PTPRD: variants seen among roughly 807,000 people sequenced by gnomAD.
PTPRD encodes receptor-type tyrosine-protein phosphatase delta.
Under a neutral mutation model 214.5 loss-of-function variants are expected in PTPRD, and 34 were observed. The observed-to-expected ratio is 0.16, with a 90% CI of 0.12 to 0.21. The LOEUF is 0.21. Among genes scored for constraint, PTPRD ranks in the 10% least tolerant of loss-of-function variants. The probability of loss-of-function intolerance (pLI) is 1.00; values close to 1 mark genes in which losing one functional copy is unlikely to be tolerated. For missense variants in PTPRD, 2,545 were observed against 2,398.7 expected (o/e 1.06, Z -1.27); for synonymous variants, 1,128 against 845.7 (o/e 1.33, Z -5.79).
intron 12 of PTPRD, among the ~76,000 whole-genome samples, chr9:8,686,205 C>T (rs751908362): frequency 6.6e-6 from 1 of 152,174 alleles, no homozygotes; most frequent in South Asian, 2.1e-4. Flanking sequence ...ACCTTTAAGA[C>T]ATCATGTTGT....
intron 5 of PTPRD, among the ~76,000 whole-genome samples, chr9:9,872,365 C>A (rs1039759305): frequency 7.9e-5 from 12 of 151,912 alleles, no homozygotes; most frequent in Non-Finnish European, 1.5e-4. Flanking sequence ...TTTGGGAGGC[C>A]GAGGCAGGAG....
At chr9:9,968,418 C>A (rs893906548) in intron 4 of PTPRD, among the ~76,000 whole-genome samples, 2 of 152,080 alleles carry the variant, frequency 1.3e-5, no homozygotes, top group Non-Finnish European at 2.9e-5. Context: ...AAAACATACA[C>A]CTGTAAAATA....
chr9:9,116,441 T>C (rs1182733983), intron 10 of PTPRD, among the ~76,000 whole-genome samples: 2 of 151,750 alleles, frequency 1.3e-5, no homozygotes, highest in Non-Finnish European at 2.9e-5. Flanking sequence ...TACAGGGTGG[T>C]ATAATGGACA....
In PTPRD at chr9:10,094,871, G is replaced by A. The variant is rs184365410; in HGVS notation, c.-544-61081C>T. On this transcript the variant is annotated intron_variant, in intron 3 of 45. Transcript: ENST00000381196. The stretch of plus-strand genomic sequence containing the variant: ...CTTACACTAAGTGCCAGGTTTTTAT[G>A]CATTAGTAATCGTGGACTACTTCAA... Among the ~76,000 whole-genome samples the A allele has an allele frequency of 3.3e-5, 5 of 151,466 alleles. No individual in the cohort carries two copies. In the East Asian group the frequency reaches 9.8e-4, roughly 30 times the overall value.
At position 10,208,124 on chromosome 9, in the gene PTPRD, G is replaced by T. The variant is rs150113486; in HGVS notation, c.-545+132839C>A. On this transcript the variant is annotated intron_variant, in intron 3 of 45. Transcript: ENST00000381196. ...ACAACAACAAAACCTATGTAATGAG[G>T]ACTTTGCTGTTAAAGTCTTCTCTGG... 2.4e-3 allele frequency among the ~76,000 whole-genome samples: 370 copies of T among 152,298 alleles called. 5 individuals carry two copies. Among genetic ancestry groups the T allele is most frequent in the East Asian group, 0.017 (88 of 5,170 alleles).
chr9:10,316,136 T>TATAG (rs2096416727), intron 3 of PTPRD, among the ~76,000 whole-genome samples: 1 of 147,306 alleles, frequency 6.8e-6, no homozygotes, highest in South Asian at 2.1e-4. Flanking sequence ...TATACATATA[T>TATAG]ACACATACAT....
intron 5 of PTPRD, among the ~76,000 whole-genome samples, chr9:9,826,727 G>A (rs967143457): frequency 4.7e-4 from 71 of 152,094 alleles, no homozygotes; most frequent in African/African-American, 1.6e-3. Context: ...GGGACAATTT[G>A]ACTTCTTCAT....
In PTPRD at chr9:10,571,016, G is replaced by T. The variant is rs552331719; in HGVS notation, c.-600+41382C>A. Among the ~76,000 whole-genome samples, 77 of 151,954 alleles carry T rather than the reference G, an allele frequency of 5.1e-4. 2 individuals carry two copies. In the South Asian group the frequency reaches 0.015, roughly 29 times the overall value. ...GAATATACCAGAAGGTCATGCTGCT[G>T]GTTTTTGTGGCATTTCCATTAATCT... is the stretch of plus-strand genomic sequence containing the variant. On this transcript the variant is annotated intron_variant, in intron 2 of 45. Transcript: ENST00000381196.
At chr9:9,993,688 G>A (rs1309560601) in intron 4 of PTPRD, among the ~76,000 whole-genome samples, 1 of 152,166 alleles carries the variant, frequency 6.6e-6, no homozygotes, top group Non-Finnish European at 1.5e-5. Flanking sequence ...TATAACAAGA[G>A]TGATATTTAC....
chr9:9,585,499 A>T (rs1013840004), intron 7 of PTPRD, among the ~76,000 whole-genome samples: 1 of 152,094 alleles, frequency 6.6e-6, no homozygotes, highest in Non-Finnish European at 1.5e-5. Flanking sequence ...TATATTGCAC[A>T]ATTACTTTGA....
chr9:9,527,985 G>C (rs1321252443), intron 8 of PTPRD, among the ~76,000 whole-genome samples: 1 of 152,090 alleles, frequency 6.6e-6, no homozygotes, highest in Non-Finnish European at 1.5e-5. Flanking sequence ...ATCCCAAAAA[G>C]AATTAAAACA....
intron 11 of PTPRD, among the ~76,000 whole-genome samples, chr9:8,821,044 G>A (rs1016406768): frequency 6.6e-6 from 1 of 152,118 alleles, no homozygotes; most frequent in Non-Finnish European, 1.5e-5. Context: ...CCCAGCTAGG[G>A]TTGGCTATAG....
chr9:9,330,224 C>T (rs1211297098), intron 9 of PTPRD, among the ~76,000 whole-genome samples: 1 of 152,020 alleles, frequency 6.6e-6, no homozygotes, highest in African/African-American at 2.4e-5. Flanking sequence ...TTACATAGAA[C>T]AGTTTTCCTG....
At chr9:10,537,194 T>A (rs968756803) in intron 2 of PTPRD, among the ~76,000 whole-genome samples, 1 of 152,200 alleles carries the variant, frequency 6.6e-6, no homozygotes, top group African/African-American at 2.4e-5. Context: ...TTTAACAACG[T>A]ATTTCTTATG....
At chr9:8,547,650 A>G (rs1020056900) in intron 14 of PTPRD, among the ~76,000 whole-genome samples, 2 of 151,904 alleles carry the variant, frequency 1.3e-5, no homozygotes, top group Non-Finnish European at 2.9e-5. Flanking sequence ...TTAAAAAAAA[A>G]AAAAAAAAAA....
intron 11 of PTPRD, among the ~76,000 whole-genome samples, chr9:8,910,381 G>A (rs1175879295): frequency 1.3e-5 from 2 of 152,054 alleles, no homozygotes; most frequent in African/African-American, 4.8e-5. Flanking sequence ...TTGAGAGTGG[G>A]GCCTTTAAGA....
intron 12 of PTPRD, among the ~76,000 whole-genome samples, chr9:8,714,866 T>C (rs371191589): frequency 3.3e-5 from 5 of 152,164 alleles, no homozygotes; most frequent in East Asian, 3.9e-4. Context: ...TATTTATCAA[T>C]TGTATTGTTT....
At chr9:8,448,921 T>C (rs2095837998) in intron 34 of PTPRD, among the ~76,000 whole-genome samples, 1 of 152,210 alleles carries the variant, frequency 6.6e-6, no homozygotes, top group Non-Finnish European at 1.5e-5. Flanking sequence ...TTTCACTTTG[T>C]TCATTATCAT....
At chr9:8,945,190 A>G (rs2099056196) in intron 11 of PTPRD, among the ~76,000 whole-genome samples, 1 of 141,184 alleles carries the variant, frequency 7.1e-6, no homozygotes, top group Non-Finnish European at 1.6e-5. Flanking sequence ...ATCTCTCTTG[A>G]ATTTATCAAA....
Sources: gnomAD v4.1 joint callset for allele counts (sites outside exome capture counted in the v4.1 genomes callset) on GRCh38, gnomAD v4.1.1 for gene constraint, MANE v1.5 for transcripts, NCBI Gene and HGNC (gene_info 2026-07-23, HGNC 2026-07-21) for gene names.